TAF3: variants seen among roughly 807,000 people sequenced by gnomAD.
TAF3 encodes the protein transcription initiation factor TFIID subunit 3.
Under a neutral mutation model 80.6 loss-of-function variants are expected in TAF3, and 7 were observed. That is an observed-to-expected ratio of 0.09 (90% CI 0.05 to 0.16). The LOEUF (loss-of-function observed/expected upper bound fraction) is 0.16. Ranked by LOEUF, TAF3 falls within the 10% of genes least tolerant of loss-of-function variation. The probability of loss-of-function intolerance (pLI) is 1.00; values close to 1 mark genes in which losing one functional copy is unlikely to be tolerated. For synonymous variants in TAF3, 444 were observed against 446.1 expected (o/e 1.00, Z 0.06); for missense variants, 921 against 1,140.2 (o/e 0.81, Z 2.77).
intron 4 of TAF3, among the ~76,000 whole-genome samples, chr10:8,007,558 G>A (rs896823518): frequency 1.5e-4 from 15 of 103,312 alleles, no homozygotes; most frequent in African/African-American, 5.3e-4. Context: ...CTCTGTGTGT[G>A]AAATTATATA....
intron 4 of TAF3, among the ~76,000 whole-genome samples, chr10:7,981,183 G>A (rs1442771281): frequency 6.6e-6 from 1 of 152,186 alleles, no homozygotes; most frequent in Non-Finnish European, 1.5e-5. Flanking sequence ...AGAGGAATAA[G>A]CATTCTTCCC....
In TAF3 at chr10:7,965,008, C is replaced by T. The variant is rs748291820; in HGVS notation, c.1498C>T (p.Pro500Ser). ...PYISSPSVSP[P>S]TPEPLHKVYE... ...TATCTCTTCTCCGTCAGTGTCTCCT[C>T]CCACTCCCGAACCTCTCCACAAGGT... is the stretch of plus-strand genomic sequence containing the variant. The change falls in exon 3 of 7, where the codon CCC becomes TCC. Residue 500 changes from proline to serine, a missense_variant. Physicochemically the swap from Pro to Ser is moderately conservative, Grantham distance 74. Coordinates refer to ENST00000344293, the MANE Select transcript of TAF3 (RefSeq NM_031923.4). The T allele has an allele frequency of 6.2e-6, 10 of 1,613,932 alleles. No individual in the cohort carries two copies. In the African/African-American group the frequency reaches 1.1e-4, roughly 17 times the overall value.
intron 4 of TAF3, among the ~76,000 whole-genome samples, chr10:7,981,326 G>A (rs913845426): frequency 6.6e-6 from 1 of 152,118 alleles, no homozygotes; most frequent in African/African-American, 2.4e-5. Context: ...TCCATGGTGA[G>A]CAGCTCCTCC....
chr10:7,847,465 G>T (rs918506108), intron 2 of TAF3, among the ~76,000 whole-genome samples: 1 of 152,100 alleles, frequency 6.6e-6, no homozygotes, highest in African/African-American at 2.4e-5. Context: ...TTTTTTTTAA[G>T]ACAGAGTCTT....
At chr10:7,946,027 C>G (rs369801002) in intron 2 of TAF3, among the ~76,000 whole-genome samples, 153 of 152,286 alleles carry the variant, frequency 1.0e-3, no homozygotes, top group African/African-American at 3.5e-3. Context: ...CACACCTGAC[C>G]CTGACTGTCC....
Position 7,898,315 on chromosome 10 carries a change from G to A in TAF3, c.410-65605G>A, listed in dbSNP as rs1837525469. Among the ~76,000 whole-genome samples, 2 of 152,120 alleles carry A rather than the reference G, an allele frequency of 1.3e-5. 1 individual carries two copies. Among genetic ancestry groups the A allele is most frequent in the South Asian group, 4.2e-4 (2 of 4,818 alleles). On this transcript the variant is annotated intron_variant, in intron 2 of 6. Coordinates refer to ENST00000344293, the MANE Select transcript of TAF3 (RefSeq NM_031923.4). ...TAATCCCAGCACTTTGGGAGGCCAA[G>A]GTGGGTGGATCACCTGAGGTCAGGA...
Position 7,965,449 on chromosome 10 carries a change from A to T in TAF3, c.1939A>T (p.Met647Leu), listed in dbSNP as rs368050175. ...KVKDKGREDK[M>L]KAPAPPLVLP... Reference sequence around the variant, plus strand: ...GAAAGATAAAGGCAGAGAAGATAAGATGAAAGCCCCAGCACCCCCACTGGT... The same window carrying T: ...GAAAGATAAAGGCAGAGAAGATAAGTTGAAAGCCCCAGCACCCCCACTGGT... Residue 647 changes from methionine to leucine, a missense_variant, in exon 3 of 7, where the codon ATG (methionine) becomes TTG (leucine). Met to Leu is a conservative substitution (Grantham distance 15). Coordinates refer to ENST00000344293, the MANE Select transcript of TAF3 (RefSeq NM_031923.4). The T allele has an allele frequency of 6.2e-7, 1 of 1,613,574 alleles. No homozygotes were observed. Among genetic ancestry groups the T allele is most frequent in the Admixed American group, 1.7e-5 (1 of 59,894 alleles).
intron 2 of TAF3, among the ~76,000 whole-genome samples, chr10:7,955,449 T>A (rs908098363): frequency 2.0e-5 from 3 of 152,270 alleles, no homozygotes; most frequent in Non-Finnish European, 2.9e-5. Flanking sequence ...TATATGCAGA[T>A]AGCATTTTGT....
At chr10:8,002,726 A>G (rs1318961005) in intron 4 of TAF3, among the ~76,000 whole-genome samples, 6 of 152,076 alleles carry the variant, frequency 3.9e-5, no homozygotes, top group East Asian at 1.9e-4. Context: ...ATTCAAACCT[A>G]TATCTTTGCT....
intron 3 of TAF3, among the ~76,000 whole-genome samples, chr10:7,973,824 T>C (rs1422054632): frequency 1.3e-5 from 2 of 152,184 alleles, no homozygotes; most frequent in African/African-American, 2.4e-5. Context: ...ATAAAACTCT[T>C]CATTTAAAAA....
chr10:7,909,672 A>G (rs1457922790), intron 2 of TAF3, among the ~76,000 whole-genome samples: 5 of 152,246 alleles, frequency 3.3e-5, no homozygotes, highest in African/African-American at 1.2e-4. Flanking sequence ...ATAGTGCTTA[A>G]CAGTCTAATG....
At chr10:7,971,814 C>T (rs1280585272) in intron 3 of TAF3, among the ~76,000 whole-genome samples, 1 of 152,074 alleles carries the variant, frequency 6.6e-6, no homozygotes, top group Non-Finnish European at 1.5e-5. Flanking sequence ...GGCGAAGAAG[C>T]TAAATCCTTG....
intron 2 of TAF3, among the ~76,000 whole-genome samples, chr10:7,908,123 C>T (rs988422735): frequency 2.0e-5 from 3 of 152,196 alleles, no homozygotes; most frequent in African/African-American, 7.2e-5. Flanking sequence ...TGCTCCCTGC[C>T]TTCTCCATTG....
intron 2 of TAF3, among the ~76,000 whole-genome samples, chr10:7,846,334 T>C (rs1836972609): frequency 6.6e-6 from 1 of 152,244 alleles, no homozygotes; most frequent in Non-Finnish European, 1.5e-5. Context: ...GTACTACTGG[T>C]AATATAGAAT....
At chr10:7,967,348 A>G (rs529501358) in intron 3 of TAF3, among the ~76,000 whole-genome samples, 1 of 152,358 alleles carries the variant, frequency 6.6e-6, no homozygotes, top group South Asian at 2.1e-4. Context: ...AACAGCCATT[A>G]TGAATTTGAG....
In TAF3 at chr10:8,014,827, A is replaced by G. The variant is rs185281692; in HGVS notation, c.*76A>G. ...GCGCCTCTGGAAGGGAGCTGGTGCAAGTCTGCCGTCACATCCACCCCCAGA... is the reference window on the plus strand; with the variant it reads ...GCGCCTCTGGAAGGGAGCTGGTGCAGGTCTGCCGTCACATCCACCCCCAGA... On this transcript the variant is annotated 3_prime_UTR_variant, in exon 7 of 7. Coordinates refer to ENST00000344293, the MANE Select transcript of TAF3 (RefSeq NM_031923.4). 2.0e-5 allele frequency: 26 copies of G among 1,322,144 alleles called. No individual in the cohort carries two copies. The African/African-American group carries it at 3.7e-4, about 19-fold the overall frequency. 81.9% of individuals were successfully genotyped at this position (1,322,144 alleles called of 1,614,324 possible).
At chr10:7,953,443 T>C (rs1308461043) in intron 2 of TAF3, among the ~76,000 whole-genome samples, 1 of 152,152 alleles carries the variant, frequency 6.6e-6, no homozygotes, top group Non-Finnish European at 1.5e-5. Flanking sequence ...AAGATCTTCA[T>C]CTCTTGGAGG....
intron 2 of TAF3, among the ~76,000 whole-genome samples, chr10:7,868,164 G>A (rs975962399): frequency 6.6e-6 from 1 of 152,080 alleles, no homozygotes; most frequent in Non-Finnish European, 1.5e-5. Flanking sequence ...TGTTGTTCAA[G>A]GGTCAACTGT....
chr10:7,874,017 C>T (rs867966018), intron 2 of TAF3, among the ~76,000 whole-genome samples: 6 of 152,086 alleles, frequency 3.9e-5, no homozygotes, highest in African/African-American at 9.7e-5. Context: ...TAAGTTTTAT[C>T]GTTACAGATA....
Sources: allele counts gnomAD v4.1 joint callset (sites outside exome capture counted in the v4.1 genomes callset), GRCh38; gene constraint gnomAD v4.1.1; transcripts MANE v1.5; gene names NCBI Gene and HGNC (gene_info 2026-07-23, HGNC 2026-07-21).